Variants in UNK observed in about 807,000 individuals in gnomAD.
UNK encodes the protein RING finger protein unkempt homolog.
UNK carries 32 observed loss-of-function variants against 97.6 expected under a neutral mutation model. That is an observed-to-expected ratio of 0.33 (90% CI 0.25 to 0.44). UNK has a LOEUF of 0.44. Among genes scored for constraint, UNK ranks in the 20% least tolerant of loss-of-function variants. UNK has a pLI of 1.00. For synonymous variants in UNK, 441 were observed against 461.2 expected, an observed-to-expected ratio of 0.96 and a Z score of 0.56; for missense variants, 771 against 1,098.4, an observed-to-expected ratio of 0.70 and a Z score of 4.21.
rs1383275354 is a variant in UNK at position 75,823,069 on chromosome 17, CCA to C, written c.2020-193_2020-192del. Among the ~76,000 whole-genome samples, 10 of 152,320 alleles carry C rather than the reference CCA, an allele frequency of 6.6e-5. No individual in the cohort carries two copies. In the East Asian group the frequency reaches 1.9e-3, roughly 29 times the overall value. ...GCTAGGCCCAGGTCCCTTTCCCTGG[CCA>C]CAGAGGGGAGAGTCTCCTGCAGGTT... On this transcript the variant is annotated intron_variant, in intron 14 of 15. Coordinates refer to ENST00000589666, the MANE Select transcript of UNK (RefSeq NM_001080419.3).
chr17:75,820,248 A>C, intron 13 of UNK, 140 bp downstream of exon 13: 1 of 874,716 alleles, frequency 1.1e-6, no homozygotes, highest in Non-Finnish European at 1.7e-6. Flanking sequence ...GCAGAGTCAG[A>C]TTCCTGTCTG....
Position 75,819,948 on chromosome 17 carries a change from C to T in UNK, c.1677C>T (p.Pro559=), listed in dbSNP as rs372035877. Residue 559 remains proline (P), a synonymous_variant, in exon 13 of 16, where the codon CCC becomes CCT. Coordinates refer to ENST00000589666, the MANE Select transcript of UNK (RefSeq NM_001080419.3). This position sits in a 1 kb window ranked among gnomAD's most constrained non-coding sequence, Gnocchi z 5.4. ...GCAGCTTGCTGCAGAGCTCTGCACC[C>T]GTGAACATCCCCGGCTCCTTGGGCA... ...IGGSLLQSSA[P]VNIPGSLGSS... is the part of the protein sequence containing the mutation. The T allele has an allele frequency of 2.1e-4, 344 of 1,612,422 alleles. No individual in the cohort carries two copies. Among genetic ancestry groups the T allele is most frequent in the Non-Finnish European group, 2.8e-4 (325 of 1,179,348 alleles).
chr17:75,817,303 C>G lies in UNK; in HGVS notation c.1105-23C>G, dbSNP rs1336853315. On this transcript the variant is annotated intron_variant, in intron 8 of 15. Transcript: ENST00000589666. This position sits in a 1 kb window ranked among gnomAD's most constrained non-coding sequence, Gnocchi z 5.8. ...AGCCTGCGCTGTGCCCACGGGCCCACTCCCTCCCCTCCTTCTCCGCAGCTC... is the reference window on the plus strand; with the variant it reads ...AGCCTGCGCTGTGCCCACGGGCCCAGTCCCTCCCCTCCTTCTCCGCAGCTC... The G allele has an allele frequency of 6.5e-7, 1 of 1,545,788 alleles. No homozygotes were observed. Among genetic ancestry groups the G allele is most frequent in the Non-Finnish European group, 8.7e-7 (1 of 1,144,028 alleles).
In UNK at chr17:75,818,542, C is replaced by T; in HGVS notation, c.1372-100C>T. The T allele has an allele frequency of 7.4e-7, 1 of 1,350,734 alleles. No homozygotes were observed. The highest frequency in any genetic ancestry group is 1.0e-6 in the Non-Finnish European group (1 of 1,001,378). 83.7% of individuals were successfully genotyped at this position (1,350,734 alleles called of 1,614,324 possible). A position where few individuals can be genotyped will look rare whatever the true frequency, so the allele number is the denominator to read the frequency against. On this transcript the variant is annotated intron_variant, in intron 10 of 15. Transcript: ENST00000589666. The surrounding 1 kb of genome is among the most constrained non-coding windows in gnomAD (Gnocchi z 5.1). ...ATGGGGGCACCCGGACTAGAGCTAG[C>T]ACGGGCCATTTCCCTTGCCCCCAGC...
At chr17:75,790,949 A>T (rs1003957542) in intron 1 of UNK, among the ~76,000 whole-genome samples, 1 of 152,194 alleles carries the variant, frequency 6.6e-6, no homozygotes, top group Non-Finnish European at 1.5e-5. Context: ...TGAAAAAAAT[A>T]ATAAAATAAA....
chr17:75,792,014 C>T (rs2061767484), intron 1 of UNK: 4 of 985,452 alleles, frequency 4.1e-6, no homozygotes, highest in Non-Finnish European at 4.8e-6. Context: ...ACCCTGATGC[C>T]TGAAGGTGAG....
intron 1 of UNK, among the ~76,000 whole-genome samples, chr17:75,798,896 C>G (rs1421276295): frequency 6.6e-6 from 1 of 151,796 alleles, no homozygotes; most frequent in Non-Finnish European, 1.5e-5. Context: ...GAAACCCCGT[C>G]TCTACTAAAA....
chr17:75,817,389 A>G lies in UNK; in HGVS notation c.1168A>G (p.Ile390Val). The change falls in exon 9 of 16, where the codon ATC (isoleucine) becomes GTC (valine). Residue 390 changes from isoleucine (I) to valine (V), a missense_variant. By Grantham distance (29) the Ile-to-Val change is conservative. Around this residue, in one of 5 missense-constraint regions of UNK, gnomAD observed 192 missense variants for 202.4 expected, o/e 0.95. Coordinates refer to ENST00000589666, the MANE Select transcript of UNK (RefSeq NM_001080419.3). This position sits in a 1 kb window ranked among gnomAD's most constrained non-coding sequence, Gnocchi z 5.8. ...CCTCTGCGGCTCCCCACCGGGCTCC[A>G]TCAGGAAGCCCCCAAACCTGGAGGG... ...SNLCGSPPGS[I>V]RKPPNLEGIV... The G allele has an allele frequency of 6.2e-7, 1 of 1,611,134 alleles. No individual in the cohort carries two copies. Among genetic ancestry groups the G allele is most frequent in the Non-Finnish European group, 8.5e-7 (1 of 1,178,252 alleles).
chr17:75,786,257 G>A (rs932473839), intron 1 of UNK, among the ~76,000 whole-genome samples: 1 of 152,138 alleles, frequency 6.6e-6, no homozygotes, highest in African/African-American at 2.4e-5. Context: ...GATGTTCTTA[G>A]CTCAAAGACT....
chr17:75,817,588 G>A lies in UNK; in HGVS notation c.1305+62G>A. ...CTCCTGCGTGGGGCAAGAGAATCTT[G>A]GAGGAGTGTCTTGGTCCAGCTACGG... On this transcript the variant is annotated intron_variant, in intron 9 of 15. Transcript: ENST00000589666. This position sits in a 1 kb window ranked among gnomAD's most constrained non-coding sequence, Gnocchi z 5.8. 6.7e-7 allele frequency: 1 copy of A among 1,490,520 alleles called. No homozygotes were observed. Among genetic ancestry groups the A allele is most frequent in the Non-Finnish European group, 9.0e-7 (1 of 1,106,674 alleles). 92.3% of individuals were successfully genotyped at this position (1,490,520 alleles called of 1,614,324 possible).
rs56221993 is a variant in UNK at position 75,802,242 on chromosome 17, C to CTTTTTTT, written c.105-7490_105-7484dup. On this transcript the variant is annotated intron_variant, in intron 1 of 15. Transcript: ENST00000589666. Reference sequence around the variant, plus strand: ...TGATGGATTTTTTCAGCACAGATGTCTTTTTTTTTTTTTTTTTTTTTTTTT... The same window carrying CTTTTTTT: ...TGATGGATTTTTTCAGCACAGATGTCTTTTTTTTTTTTTTTTTTTTTTTTTTTTTTTT... Among the ~76,000 whole-genome samples, 31 of 47,256 alleles carry CTTTTTTT rather than the reference C, an allele frequency of 6.6e-4. 6 individuals are homozygous for CTTTTTTT. Among genetic ancestry groups the CTTTTTTT allele is most frequent in the East Asian group, 4.6e-3 (5 of 1,094 alleles). 31.0% of individuals were successfully genotyped at this position (47,256 alleles called of 152,430 possible). A position where few individuals can be genotyped will look rare whatever the true frequency, so the allele number is the denominator to read the frequency against.
At chr17:75,820,609 A>T (rs1011218630) in intron 13 of UNK, among the ~76,000 whole-genome samples, 19 of 152,136 alleles carry the variant, frequency 1.2e-4, no homozygotes, top group African/African-American at 4.3e-4. Flanking sequence ...GCTGGCCCAG[A>T]AGGCTGTTTG....
Position 75,797,734 on chromosome 17 carries a change from G to A in UNK, c.105-12026G>A, listed in dbSNP as rs541021010. Among the ~76,000 whole-genome samples, 24 of 152,294 alleles carry A rather than the reference G, an allele frequency of 1.6e-4. No individual in the cohort carries two copies. The South Asian group carries it at 2.7e-3, about 17-fold the overall frequency. On this transcript the variant is annotated intron_variant, in intron 1 of 15. Coordinates refer to ENST00000589666, the MANE Select transcript of UNK (RefSeq NM_001080419.3). ...AGGAACAGGTGTTTCCTCACTGGCC[G>A]CTCCATCTTGAAAACTCATGGCCCA... is the stretch of plus-strand genomic sequence containing the variant.
At chr17:75,809,719 TC>T (rs1663572815) in intron 1 of UNK, 40 bp from the exon 2 acceptor site, 8 of 1,555,628 alleles carry the variant, frequency 5.1e-6, no homozygotes, top group Non-Finnish European at 7.0e-6. Context: ...GAGACTTCAT[TC>T]TCTGCTCCCG....
Position 75,822,485 on chromosome 17 carries a change from G to A in UNK, c.1846G>A (p.Gly616Arg), listed in dbSNP as rs372720398. The change falls in exon 14 of 16, where the codon GGG becomes AGG. Residue 616 changes from glycine (G) to arginine (R), a missense_variant. Physicochemically the swap from Gly to Arg is moderately radical, Grantham distance 125. Around this residue, in one of 5 missense-constraint regions of UNK, gnomAD observed 91 missense variants for 173.1 expected, o/e 0.53. Coordinates refer to ENST00000589666, the MANE Select transcript of UNK (RefSeq NM_001080419.3). ...SASHGSLGLN[G>R]MNSSIWEHFA... ...TCCCCTCCTTGGGGCAGGTCTGAAC[G>A]GGATGAACAGCAGCATCTGGGAGCA... The A allele has an allele frequency of 1.3e-5, 21 of 1,612,206 alleles. No individual in the cohort carries two copies. The Middle Eastern group carries it at 4.9e-4, about 38-fold the overall frequency.
At position 75,812,535 on chromosome 17, in the gene UNK, C is replaced by T. The variant is rs759912864; in HGVS notation, c.572C>T (p.Ala191Val). 1.6e-5 allele frequency: 25 copies of T among 1,612,616 alleles called. No homozygotes were observed. The highest frequency in any genetic ancestry group is 9.3e-5 in the African/African-American group (7 of 74,888). The change falls in exon 4 of 16, where the codon GCG (alanine) becomes GTG (valine). Residue 191 changes from alanine to valine, a missense_variant. Transcript: ENST00000589666. The stretch of plus-strand genomic sequence containing the variant: ...ATAGAGGGCCAGTCGGCTGGGGCTG[C>T]GAGCCATGCCATGATAGAAAAGATC... ...GSIEGQSAGA[A>V]SHAMIEKILS...
In UNK at chr17:75,813,226, C is replaced by T. The variant is rs761034542; in HGVS notation, c.758+13C>T. Reference sequence around the variant, plus strand: ...AGCACAAATACAGGTCCTTAGGCCCCAGGAGGCCAGCCACGGGAGGGAGGA... The same window carrying T: ...AGCACAAATACAGGTCCTTAGGCCCTAGGAGGCCAGCCACGGGAGGGAGGA... On this transcript the variant is annotated intron_variant, in intron 5 of 15. Transcript: ENST00000589666. 14 of 1,567,272 alleles carry T rather than the reference C, an allele frequency of 8.9e-6. 1 individual carries two copies. The South Asian group carries it at 1.6e-4, about 18-fold the overall frequency.
chr17:75,805,352 G>A (rs1266793987), intron 1 of UNK, among the ~76,000 whole-genome samples: 4 of 144,146 alleles, frequency 2.8e-5, no homozygotes, highest in African/African-American at 1.0e-4. Flanking sequence ...GAGCTATTGC[G>A]CCACTGCACT....
At position 75,819,862 on chromosome 17, in the gene UNK, G is replaced by A; in HGVS notation, c.1649-58G>A. The A allele has an allele frequency of 1.2e-6, 2 of 1,604,188 alleles. No individual in the cohort carries two copies. The highest frequency in any genetic ancestry group is 2.2e-5 in the South Asian group (2 of 90,380). On this transcript the variant is annotated intron_variant, in intron 12 of 15. Coordinates refer to ENST00000589666, the MANE Select transcript of UNK (RefSeq NM_001080419.3). The surrounding 1 kb of genome is among the most constrained non-coding windows in gnomAD (Gnocchi z 5.4). ...CTGGCTCAGGCCCCTTGCTCTGTGT[G>A]GCCCGCCTGGCTTCCGCTGCCCTCA...
Sources: allele counts gnomAD v4.1 joint callset (sites outside exome capture counted in the v4.1 genomes callset), GRCh38; gene constraint gnomAD v4.1.1; regional missense constraint gnomAD v4.1.1; non-coding constraint Gnocchi (gnomAD v3.1); transcripts MANE v1.5; gene names NCBI Gene and HGNC (gene_info 2026-07-23, HGNC 2026-07-21).